The following PYGO1 variants were observed in gnomAD, a reference collection of about 807,000 sequenced individuals.
PYGO1 encodes the protein pygopus family PHD finger 1, also known as pygopus homolog 1.
A neutral mutation model predicts 29.5 loss-of-function variants in PYGO1; 6 were observed. The ratio of observed to expected loss-of-function variants is 0.20; its 90% CI spans 0.11 to 0.40. The LOEUF is 0.40. PYGO1 is among the 10% of genes least tolerant of loss of function. PYGO1 has a pLI of 1.00. For synonymous variants in PYGO1, 186 were observed against 180.5 expected (o/e 1.03, Z -0.24); for missense variants, 515 against 514.9 (o/e 1.00, Z 0.00).
upstream of PYGO1, among the ~76,000 whole-genome samples, chr15:55,588,421 C>T (rs2059059797): frequency 6.7e-6 from 1 of 148,734 alleles, no homozygotes; most frequent in South Asian, 2.1e-4. Flanking sequence ...CCCGCGGCTT[C>T]CCCGCCCTGA....
chr15:55,570,074 C>T (rs2058974121), intron 1 of PYGO1, among the ~76,000 whole-genome samples: 1 of 152,166 alleles, frequency 6.6e-6, no homozygotes, highest in South Asian at 2.1e-4. Context: ...TGCTCAGATC[C>T]CCAGTGGAAA....
intron 1 of PYGO1, among the ~76,000 whole-genome samples, chr15:55,563,411 G>A (rs922281136): frequency 6.9e-6 from 1 of 144,730 alleles, no homozygotes; most frequent in East Asian, 2.1e-4. Flanking sequence ...CTGTCGCCCA[G>A]GCTGGAGTGC....
At chr15:55,549,041 G>A (rs1421566885) in intron 1 of PYGO1, 46 bp from the exon 2 acceptor site, 2 of 1,449,776 alleles carry the variant, frequency 1.4e-6, no homozygotes, top group African/African-American at 2.9e-5. Flanking sequence ...TGTAAGTGAA[G>A]TTACTTTATA....
Position 55,546,668 on chromosome 15 carries a change from A to G in PYGO1, c.615T>C (p.Val205=). Residue 205 remains valine (V), a synonymous_variant, in exon 3 of 3, where the codon GTT becomes GTC. Coordinates refer to ENST00000563719, the MANE Select transcript of PYGO1 (RefSeq NM_001367806.1). ...AAGTAAAATTTGAATTATTTCCAGG[A>G]ACAAAATTAGATGCCAAATCGGGGT... ...VSNPDLASNF[V]PGNNSNFTSP... 1.2e-6 allele frequency: 2 copies of G among 1,614,090 alleles called. No individual in the cohort carries two copies.
At chr15:55,576,769 G>GA (rs1228963396) in intron 1 of PYGO1, among the ~76,000 whole-genome samples, 1 of 90,958 alleles carries the variant, frequency 1.1e-5, no homozygotes, top group Non-Finnish European at 1.9e-5. Context: ...TCAAAAAAAA[G>GA]AAGTGGGGGA....
At chr15:55,587,703 G>A (rs2059054451) in intron 1 of PYGO1, 132 bp downstream of exon 1, 9 of 1,185,378 alleles carry the variant, frequency 7.6e-6, no homozygotes, top group Non-Finnish European at 9.4e-6. Flanking sequence ...CCTCGGCCCC[G>A]GGGTGCCGGC....
At chr15:55,585,329 A>G (rs571753598) in intron 1 of PYGO1, among the ~76,000 whole-genome samples, 2 of 152,328 alleles carry the variant, frequency 1.3e-5, no homozygotes, top group East Asian at 1.9e-4. Flanking sequence ...AGCAGATGGG[A>G]AACAGTTTGA....
chr15:55,567,197 C>CTGTT (rs2058960506), intron 1 of PYGO1, among the ~76,000 whole-genome samples: 1 of 47,054 alleles, frequency 2.1e-5, no homozygotes, highest in Non-Finnish European at 3.5e-5. Flanking sequence ...TTTTGCCCAC[C>CTGTT]TTTTTTTTTT....
rs1354558305 is a variant in PYGO1 at position 55,543,347 on chromosome 15, T to C, written c.*2676A>G. On this transcript the variant is annotated 3_prime_UTR_variant, in exon 3 of 3. Coordinates refer to ENST00000563719, the MANE Select transcript of PYGO1 (RefSeq NM_001367806.1). ...ACTTAGCATTATGTAGAGACAAATG[T>C]AGAACTAGCAGGAAAATTAATTCAA... The C allele has an allele frequency of 6.6e-6, 1 of 152,194 alleles. No individual in the cohort carries two copies. Among genetic ancestry groups the C allele is most frequent in the Non-Finnish European group, 1.5e-5 (1 of 68,020 alleles). The allele number at this position is 152,194 out of a possible 1,614,324, so 9.4% of individuals were successfully genotyped here.
chr15:55,574,127 C>A (rs1009514429), intron 1 of PYGO1, among the ~76,000 whole-genome samples: 1 of 152,014 alleles, frequency 6.6e-6, no homozygotes, highest in South Asian at 2.1e-4. Flanking sequence ...TGGTACAGCA[C>A]TAAAGATGAT....
At chr15:55,574,501 A>G (rs752608880) in intron 1 of PYGO1, among the ~76,000 whole-genome samples, 6 of 152,170 alleles carry the variant, frequency 3.9e-5, no homozygotes, top group East Asian at 3.8e-4. Flanking sequence ...GTCTACATAT[A>G]TTTTATGCAG....
At chr15:55,581,384 A>G (rs1249030389) in intron 1 of PYGO1, among the ~76,000 whole-genome samples, 1 of 152,224 alleles carries the variant, frequency 6.6e-6, no homozygotes, top group Non-Finnish European at 1.5e-5. Context: ...TGGAGTGTGA[A>G]GAATAGAGGA....
At chr15:55,552,269 T>C (rs913145802) in intron 1 of PYGO1, among the ~76,000 whole-genome samples, 1 of 149,822 alleles carries the variant, frequency 6.7e-6, no homozygotes, top group African/African-American at 2.5e-5. Flanking sequence ...GCAGGGAGAA[T>C]TGCTTGAGTC....
Position 55,545,031 on chromosome 15 carries a change from T to C in PYGO1, c.*992A>G, listed in dbSNP as rs1243592712. 2 of 152,202 alleles carry C rather than the reference T, an allele frequency of 1.3e-5. No homozygotes were observed. The highest frequency in any genetic ancestry group is 2.9e-5 in the Non-Finnish European group (2 of 68,020). 9.4% of individuals were successfully genotyped at this position (152,202 alleles called of 1,614,324 possible). A position where few individuals can be genotyped will look rare whatever the true frequency, so the allele number is the denominator to read the frequency against. Reference sequence around the variant, plus strand: ...ATTGATCTTTGTTTAAAATGGATTTTGATCTCCCCTAGGGTTCATTTTTGA... The same window carrying C: ...ATTGATCTTTGTTTAAAATGGATTTCGATCTCCCCTAGGGTTCATTTTTGA... On this transcript the variant is annotated 3_prime_UTR_variant, in exon 3 of 3. Transcript: ENST00000563719.
At chr15:55,560,173 G>C (rs1401373301) in intron 1 of PYGO1, among the ~76,000 whole-genome samples, 1 of 152,018 alleles carries the variant, frequency 6.6e-6, no homozygotes, top group South Asian at 2.1e-4. Context: ...AGTACTCAAA[G>C]TTCTGGTCAG....
At chr15:55,577,594 GTTTTTAAAACTAGGT>G (rs2059008517) in intron 1 of PYGO1, among the ~76,000 whole-genome samples, 3 of 2,214 alleles carry the variant, frequency 1.4e-3, no homozygotes, top group Non-Finnish European at 2.8e-3. Flanking sequence ...CTAGGTTTTT[GTTTTTAAAACTAGGT>G]TTTTGTTTTA....
chr15:55,552,298 C>A (rs1392865548), intron 1 of PYGO1, among the ~76,000 whole-genome samples: 1 of 142,512 alleles, frequency 7.0e-6, no homozygotes, highest in Non-Finnish European at 1.5e-5. Flanking sequence ...AGAGGTTCCA[C>A]TGAGTTGAGA....
At chr15:55,566,656 C>T (rs1385325282) in intron 1 of PYGO1, among the ~76,000 whole-genome samples, 1 of 152,172 alleles carries the variant, frequency 6.6e-6, no homozygotes, top group African/African-American at 2.4e-5. Flanking sequence ...CTCCAAACTG[C>T]TTTCCACAGT....
At chr15:55,584,869 G>A (rs1477165992) in intron 1 of PYGO1, among the ~76,000 whole-genome samples, 2 of 152,188 alleles carry the variant, frequency 1.3e-5, no homozygotes, top group Non-Finnish European at 2.9e-5. Flanking sequence ...ACAGCCAGCT[G>A]CTTCTGGTCT....
Sources: allele counts gnomAD v4.1 joint callset (sites outside exome capture counted in the v4.1 genomes callset), GRCh38; gene constraint gnomAD v4.1.1; transcripts MANE v1.5; gene names NCBI Gene and HGNC (gene_info 2026-07-23, HGNC 2026-07-21).